ZBTB42: variants seen among roughly 807,000 people sequenced by gnomAD.
ZBTB42 encodes zinc finger and BTB domain containing 42, also known as zinc finger and BTB domain-containing protein 42.
In ZBTB42, 3 loss-of-function variants were observed where a neutral mutation model predicts 4.7. That is an observed-to-expected ratio of 0.64 (90% CI 0.29 to 1.66). The LOEUF is 1.66. Among genes scored for constraint, ZBTB42 ranks in the 40% most tolerant of loss-of-function variants. The pLI is 0.10. For synonymous variants in ZBTB42, 255 were observed against 259.5 expected (o/e 0.98, Z 0.17); for missense variants, 521 against 577.1 (o/e 0.90, Z 1.00).
Position 104,801,310 on chromosome 14 carries a change from A to G in ZBTB42, c.113A>G (p.His38Arg), listed in dbSNP as rs1894037249. 8 of 1,546,876 alleles carry G rather than the reference A, an allele frequency of 5.2e-6. No individual in the cohort carries two copies. The highest frequency in any genetic ancestry group is 7.0e-6 in the Non-Finnish European group (8 of 1,146,086). ...GTGGGCGACGCGCGCTTCCCGGCCC[A>G]CCGTGCCGTGCTGGCCGCGTGCAGC... ...VLVGDARFPA[H>R]RAVLAACSVY... The change falls in exon 1 of 1, where the codon CAC becomes CGC. Residue 38 changes from histidine to arginine, a missense_variant. Physicochemically the swap from His to Arg is conservative, Grantham distance 29 (BLOSUM62 0). Transcript: ENST00000342537. The surrounding 1 kb of genome is among the most constrained non-coding windows in gnomAD (Gnocchi z 4.4).
upstream of ZBTB42, chr14:104,800,648 T>G (rs1246546857): frequency 6.9e-6 from 1 of 144,304 alleles, no homozygotes; most frequent in Non-Finnish European, 1.5e-5. The surrounding 1 kb of genome is among the most constrained non-coding windows in gnomAD (Gnocchi z 5.3). Context: ...AGGGCCGCCC[T>G]GGGGAGGGCG....
chr14:104,801,170 T>C lies in ZBTB42; in HGVS notation c.-28T>C. ...TCCAGGCGCGCTGACGGGCGTCCCG[T>C]TTGTGCCCAGGTGATGACGGCGGCG... is the stretch of plus-strand genomic sequence containing the variant. On this transcript the variant is annotated 5_prime_UTR_variant, in exon 1 of 1. Transcript: ENST00000342537. This position sits in a 1 kb window ranked among gnomAD's most constrained non-coding sequence, Gnocchi z 4.4. 7.2e-7 allele frequency: 1 copy of C among 1,389,522 alleles called. No individual in the cohort carries two copies. Among genetic ancestry groups the C allele is most frequent in the South Asian group, 1.6e-5 (1 of 62,014 alleles). 86.1% of individuals were successfully genotyped at this position (1,389,522 alleles called of 1,614,324 possible). A position where few individuals can be genotyped will look rare whatever the true frequency, so the allele number is the denominator to read the frequency against.
Position 104,802,214 on chromosome 14 carries a change from T to C in ZBTB42, c.1017T>C (p.Cys339=), listed in dbSNP as rs1445509579. 6.5e-7 allele frequency: 1 copy of C among 1,550,096 alleles called. No individual in the cohort carries two copies. Among genetic ancestry groups the C allele is most frequent in the Non-Finnish European group, 8.7e-7 (1 of 1,146,854 alleles). Residue 339 remains cysteine (C), a synonymous_variant, in exon 1 of 1, where the codon TGT becomes TGC. Coordinates refer to ENST00000342537, the MANE Select transcript of ZBTB42 (RefSeq NM_001137601.3). The surrounding 1 kb of genome is among the most constrained non-coding windows in gnomAD (Gnocchi z 5.9). ...GCGTGGCACCCACCTGCCCGCTCTG[T>C]GGGAAGACCTTCTCGTGCACATACA... ...PDGVAPTCPL[C]GKTFSCTYTL...
chr14:104,800,907 CG>C, upstream of ZBTB42: 1 of 259,300 alleles, frequency 3.9e-6, no homozygotes, highest in Non-Finnish European at 7.3e-6. This position sits in a 1 kb window ranked among gnomAD's most constrained non-coding sequence, Gnocchi z 5.3. Context: ...GGCGGCCGCC[CG>C]GGAGTGAAGT....
rs1894043661 is a variant in ZBTB42, at chr14:104,801,607, C to T, written c.410C>T (p.Ala137Val). 1.3e-6 allele frequency: 2 copies of T among 1,549,944 alleles called. No individual in the cohort carries two copies. Among genetic ancestry groups the T allele is most frequent in the Non-Finnish European group, 1.7e-6 (2 of 1,146,670 alleles). Residue 137 changes from alanine to valine, a missense_variant, in exon 1 of 1, where the codon GCT becomes GTT. Coordinates refer to ENST00000342537, the MANE Select transcript of ZBTB42 (RefSeq NM_001137601.3). This position sits in a 1 kb window ranked among gnomAD's most constrained non-coding sequence, Gnocchi z 4.4. ...AACCCTGCCCCTGGGGCAGAACCTGCTCAGCCACCGTGCCCCTGGCCTGTC... is the reference window on the plus strand; with the variant it reads ...AACCCTGCCCCTGGGGCAGAACCTGTTCAGCCACCGTGCCCCTGGCCTGTC... The part of the protein sequence containing the change: ...PGNPAPGAEP[A>V]QPPCPWPVWT...
At position 104,803,037 on chromosome 14, in the gene ZBTB42, C is replaced by CCTT. The variant is rs1894086646; in HGVS notation, c.*571_*572insCTT. On this transcript the variant is annotated 3_prime_UTR_variant, in exon 1 of 1. Coordinates refer to ENST00000342537, the MANE Select transcript of ZBTB42 (RefSeq NM_001137601.3). Reference sequence around the variant, plus strand: ...AGGCCTGGGGCACAGTGAGTGCCAGCAGGGGCCATCTGGGCACAGCTGGTG... The same window carrying CCTT: ...AGGCCTGGGGCACAGTGAGTGCCAGCCTTAGGGGCCATCTGGGCACAGCTGGTG... 8.6e-6 allele frequency: 1 copy of CCTT among 116,412 alleles called. No individual in the cohort carries two copies. The highest frequency in any genetic ancestry group is 4.1e-5 in the African/African-American group (1 of 24,688). 7.2% of individuals were successfully genotyped at this position (116,412 alleles called of 1,614,324 possible).
Position 104,801,385 on chromosome 14 carries a change from C to T in ZBTB42, c.188C>T (p.Thr63Met). 1 of 1,546,644 alleles carries T rather than the reference C, an allele frequency of 6.5e-7. No homozygotes were observed. Among genetic ancestry groups the T allele is most frequent in the South Asian group, 1.2e-5 (1 of 83,734 alleles). Reference sequence around the variant, plus strand: ...GACCGGCCCGCGGGCAGTCGCGACACGGTGCGGCTCAACGGCGACATCGTC... The same window carrying T: ...GACCGGCCCGCGGGCAGTCGCGACATGGTGCGGCTCAACGGCGACATCGTC... ...YRDRPAGSRDTVRLNGDIVTA... is the reference protein window; with the variant it reads ...YRDRPAGSRDMVRLNGDIVTA... The change falls in exon 1 of 1, where the codon ACG (threonine) becomes ATG (methionine). Residue 63 changes from threonine to methionine, a missense_variant. Coordinates refer to ENST00000342537, the MANE Select transcript of ZBTB42 (RefSeq NM_001137601.3). The surrounding 1 kb of genome is among the most constrained non-coding windows in gnomAD (Gnocchi z 4.4).
chr14:104,802,182 C>A lies in ZBTB42; in HGVS notation c.985C>A (p.Pro329Thr), dbSNP rs1464052570. 6.5e-7 allele frequency: 1 copy of A among 1,549,408 alleles called. No individual in the cohort carries two copies. The highest frequency in any genetic ancestry group is 1.2e-5 in the South Asian group (1 of 84,062). Residue 329 changes from proline to threonine, a missense_variant, in exon 1 of 1, where the codon CCC (proline) becomes ACC (threonine). Pro to Thr is a conservative substitution (Grantham distance 38). Coordinates refer to ENST00000342537, the MANE Select transcript of ZBTB42 (RefSeq NM_001137601.3). The surrounding 1 kb of genome is among the most constrained non-coding windows in gnomAD (Gnocchi z 5.9). The stretch of plus-strand genomic sequence containing the variant: ...AGACAGCACCCGGGCCCGGCTCTCA[C>A]CCGACGGCGTGGCACCCACCTGCCC... Reference protein sequence around the residue: ...ERDSTRARLSPDGVAPTCPLC... With the variant: ...ERDSTRARLSTDGVAPTCPLC...
At position 104,801,703 on chromosome 14, in the gene ZBTB42, C is replaced by A; in HGVS notation, c.506C>A (p.Pro169His). 3 of 1,550,256 alleles carry A rather than the reference C, an allele frequency of 1.9e-6. No individual in the cohort carries two copies. The highest frequency in any genetic ancestry group is 2.6e-6 in the Non-Finnish European group (3 of 1,146,926). ...LPPFGVKAALPPRASGPPPCQ... is the reference protein window; with the variant it reads ...LPPFGVKAALHPRASGPPPCQ... ...CCGTTTGGGGTCAAGGCTGCCCTCC[C>A]TCCTCGAGCATCTGGGCCTCCTCCC... Residue 169 changes from proline to histidine, a missense_variant, in exon 1 of 1, where the codon CCT becomes CAT. Physicochemically the swap from Pro to His is moderately conservative, Grantham distance 77 (BLOSUM62 -2). Coordinates refer to ENST00000342537, the MANE Select transcript of ZBTB42 (RefSeq NM_001137601.3). The surrounding 1 kb of genome is among the most constrained non-coding windows in gnomAD (Gnocchi z 4.4).
rs893957446 is a variant in ZBTB42, at chr14:104,802,902, C to T, written c.*436C>T. 2 of 221,276 alleles carry T rather than the reference C, an allele frequency of 9.0e-6. No individual in the cohort carries two copies. Among genetic ancestry groups the T allele is most frequent in the Admixed American group, 1.1e-4 (2 of 18,526 alleles). The allele number at this position is 221,276 out of a possible 1,614,324, so 13.7% of individuals were successfully genotyped here. ...GGAGGTCTTCATGAGCCTGGCCCCA[C>T]GCTAGGTGAATTATTCACATGTCAG... On this transcript the variant is annotated 3_prime_UTR_variant, in exon 1 of 1. Coordinates refer to ENST00000342537, the MANE Select transcript of ZBTB42 (RefSeq NM_001137601.3). This position sits in a 1 kb window ranked among gnomAD's most constrained non-coding sequence, Gnocchi z 5.9.
rs1894070093 is a variant in ZBTB42, at chr14:104,802,483, C to T, written c.*17C>T. The T allele has an allele frequency of 6.5e-7, 1 of 1,541,188 alleles. No homozygotes were observed. The highest frequency in any genetic ancestry group is 8.8e-7 in the Non-Finnish European group (1 of 1,140,984). On this transcript the variant is annotated 3_prime_UTR_variant, in exon 1 of 1. Coordinates refer to ENST00000342537, the MANE Select transcript of ZBTB42 (RefSeq NM_001137601.3). This position sits in a 1 kb window ranked among gnomAD's most constrained non-coding sequence, Gnocchi z 5.9. ...CTGGTGTGATGCATCCCTGTGGGTC[C>T]TGAGGGTGGGGTGGAAGGGAAGGGA...
At position 104,801,207 on chromosome 14, in the gene ZBTB42, C is replaced by T; in HGVS notation, c.10C>T (p.Pro4Ser). 7.0e-7 allele frequency: 1 copy of T among 1,436,082 alleles called. No individual in the cohort carries two copies. The highest frequency in any genetic ancestry group is 9.1e-7 in the Non-Finnish European group (1 of 1,098,470). The allele number at this position is 1,436,082 out of a possible 1,614,324, so 89.0% of individuals were successfully genotyped here. A position where few individuals can be genotyped will look rare whatever the true frequency, so the allele number is the denominator to read the frequency against. Residue 4 changes from proline to serine, a missense_variant, in exon 1 of 1, where the codon CCT becomes TCT. Pro to Ser is a moderately conservative substitution (Grantham distance 74). Coordinates refer to ENST00000342537, the MANE Select transcript of ZBTB42 (RefSeq NM_001137601.3). The surrounding 1 kb of genome is among the most constrained non-coding windows in gnomAD (Gnocchi z 4.4). ...TGATGACGGCGGCGGCATGGAGTTC[C>T]CTGAGCACGGCGGACGGCTGCTGGG... MEF[P>S]EHGGRLLGRL... is the part of the protein sequence containing the mutation.
rs1894047484 is a variant in ZBTB42 at position 104,801,772 on chromosome 14, T to G, written c.575T>G (p.Leu192Trp). 1 of 1,549,358 alleles carries G rather than the reference T, an allele frequency of 6.5e-7. No homozygotes were observed. The highest frequency in any genetic ancestry group is 1.2e-5 in the South Asian group (1 of 83,922). ...TCAGACCAGGCCCTGGACCTGTCGTTGAAGTCTGGCCCAAGGCAGGAGCGG... is the reference window on the plus strand; with the variant it reads ...TCAGACCAGGCCCTGGACCTGTCGTGGAAGTCTGGCCCAAGGCAGGAGCGG... The part of the protein sequence containing the change: ...EESDQALDLS[L>W]KSGPRQERVH... The change falls in exon 1 of 1, where the codon TTG becomes TGG. Residue 192 changes from leucine to tryptophan, a missense_variant. Leu to Trp is a moderately conservative substitution (Grantham distance 61, BLOSUM62 -2). Coordinates refer to ENST00000342537, the MANE Select transcript of ZBTB42 (RefSeq NM_001137601.3). This position sits in a 1 kb window ranked among gnomAD's most constrained non-coding sequence, Gnocchi z 4.4.
Position 104,801,119 on chromosome 14 carries a change from G to A in ZBTB42, c.-79G>A, listed in dbSNP as rs1356092700. The A allele has an allele frequency of 7.3e-7, 1 of 1,374,920 alleles. No homozygotes were observed. Among genetic ancestry groups the A allele is most frequent in the Non-Finnish European group, 9.3e-7 (1 of 1,070,674 alleles). 85.2% of individuals were successfully genotyped at this position (1,374,920 alleles called of 1,614,324 possible). A position where few individuals can be genotyped will look rare whatever the true frequency, so the allele number is the denominator to read the frequency against. On this transcript the variant is annotated 5_prime_UTR_variant, in exon 1 of 1. Transcript: ENST00000342537. The surrounding 1 kb of genome is among the most constrained non-coding windows in gnomAD (Gnocchi z 4.4). ...CGCCGCTCTTTCCGCGCTGCCTGCA[G>A]CCGGGAAGGGCGCTTCGTGGGCGCC...
Position 104,803,689 on chromosome 14 carries a change from T to G in ZBTB42, c.*1223T>G, listed in dbSNP as rs528668709. 1 of 166,966 alleles carries G rather than the reference T, an allele frequency of 6.0e-6. No homozygotes were observed. The highest frequency in any genetic ancestry group is 2.4e-5 in the African/African-American group (1 of 41,572). The allele number at this position is 166,966 out of a possible 1,614,324, so 10.3% of individuals were successfully genotyped here. Reference sequence around the variant, plus strand: ...ATGTGGAGACCACAACCCCCACACATGTCGTTGGTTCAGGTCGCCCTGCTT... The same window carrying G: ...ATGTGGAGACCACAACCCCCACACAGGTCGTTGGTTCAGGTCGCCCTGCTT... On this transcript the variant is annotated 3_prime_UTR_variant, in exon 1 of 1. Transcript: ENST00000342537.
Position 104,802,051 on chromosome 14 carries a change from A to T in ZBTB42, c.854A>T (p.Asp285Val). 1 of 1,497,676 alleles carries T rather than the reference A, an allele frequency of 6.7e-7. No individual in the cohort carries two copies. The allele number at this position is 1,497,676 out of a possible 1,614,324, so 92.8% of individuals were successfully genotyped here. A position where few individuals can be genotyped will look rare whatever the true frequency, so the allele number is the denominator to read the frequency against. Residue 285 changes from aspartate to valine, a missense_variant, in exon 1 of 1, where the codon GAC becomes GTC. Physicochemically the swap from Asp to Val is radical, Grantham distance 152. Coordinates refer to ENST00000342537, the MANE Select transcript of ZBTB42 (RefSeq NM_001137601.3). The surrounding 1 kb of genome is among the most constrained non-coding windows in gnomAD (Gnocchi z 5.9). ...ELGAGRLASE[D>V]ELGPGGPLCI... ...GGTGCAGGGCGACTGGCGAGTGAGG[A>T]CGAGCTGGGGCCTGGTGGGCCCCTC... is the stretch of plus-strand genomic sequence containing the variant.
In ZBTB42 at chr14:104,802,042, C is replaced by A; in HGVS notation, c.845C>A (p.Ala282Glu). 1 of 1,494,962 alleles carries A rather than the reference C, an allele frequency of 6.7e-7. No homozygotes were observed. The highest frequency in any genetic ancestry group is 8.9e-7 in the Non-Finnish European group (1 of 1,122,226). The allele number at this position is 1,494,962 out of a possible 1,614,324, so 92.6% of individuals were successfully genotyped here. ...RELELGAGRL[A>E]SEDELGPGGP... ...CTGGAGCTTGGTGCAGGGCGACTGG[C>A]GAGTGAGGACGAGCTGGGGCCTGGT... The change falls in exon 1 of 1, where the codon GCG (alanine) becomes GAG (glutamate). Residue 282 changes from alanine to glutamate, a missense_variant. Physicochemically the swap from Ala to Glu is moderately radical, Grantham distance 107. Coordinates refer to ENST00000342537, the MANE Select transcript of ZBTB42 (RefSeq NM_001137601.3). This position sits in a 1 kb window ranked among gnomAD's most constrained non-coding sequence, Gnocchi z 5.9.
Position 104,802,294 on chromosome 14 carries a change from AGT to A in ZBTB42, c.1101_1102del (p.Cys367TrpfsTer29). 6.4e-7 allele frequency: 1 copy of A among 1,550,456 alleles called. No individual in the cohort carries two copies. The highest frequency in any genetic ancestry group is 2.4e-5 in the East Asian group (1 of 40,924). ...GGTGAGAAGCCCTATACGTGTGTGC[AGT>A]GTGGCAAAAGTTTTCAGTACTCCCA... On this transcript the variant is annotated frameshift_variant, in exon 1 of 1. Coordinates refer to ENST00000342537, the MANE Select transcript of ZBTB42 (RefSeq NM_001137601.3). LOFTEE classifies it high-confidence loss of function. The surrounding 1 kb of genome is among the most constrained non-coding windows in gnomAD (Gnocchi z 5.9).
Position 104,802,599 on chromosome 14 carries a change from G to C in ZBTB42, c.*133G>C. 7.6e-7 allele frequency: 1 copy of C among 1,316,350 alleles called. No individual in the cohort carries two copies. Among genetic ancestry groups the C allele is most frequent in the Non-Finnish European group, 1.0e-6 (1 of 977,340 alleles). The allele number at this position is 1,316,350 out of a possible 1,614,324, so 81.5% of individuals were successfully genotyped here. ...GCCAGATGGCTCCACCCTCCTGGCAGAGAGAATGCTGCCTCTTCCTGGAAC... is the reference window on the plus strand; with the variant it reads ...GCCAGATGGCTCCACCCTCCTGGCACAGAGAATGCTGCCTCTTCCTGGAAC... On this transcript the variant is annotated 3_prime_UTR_variant, in exon 1 of 1. Coordinates refer to ENST00000342537, the MANE Select transcript of ZBTB42 (RefSeq NM_001137601.3). The surrounding 1 kb of genome is among the most constrained non-coding windows in gnomAD (Gnocchi z 5.9).
Sources: gnomAD v4.1 joint callset for allele counts on GRCh38, gnomAD v4.1.1 for gene constraint, Gnocchi (gnomAD v3.1) non-coding constraint, MANE v1.5 for transcripts, NCBI Gene and HGNC (gene_info 2026-07-23, HGNC 2026-07-21) for gene names.